FBP2: variants seen among roughly 807,000 people sequenced by gnomAD.
FBP2 encodes the protein fructose-1,6-bisphosphatase isozyme 2.
A neutral mutation model predicts 31.6 loss-of-function variants in FBP2; 27 were observed. The observed-to-expected ratio is 0.85, with a 90% CI of 0.63 to 1.18. FBP2 has a LOEUF of 1.18. FBP2 is among the 50% of genes most tolerant of loss of function. The pLI, the probability that FBP2 is intolerant of heterozygous loss-of-function variation, is 0.00. For synonymous variants in FBP2, 168 were observed against 179.8 expected (o/e 0.93, Z 0.53); for missense variants, 421 against 436.1 (o/e 0.97, Z 0.31).
rs772087699 is a variant in FBP2, at chr9:94,559,089, T to C, written c.869A>G (p.Glu290Gly). The change falls in exon 7 of 7, where the codon GAG (glutamate) becomes GGG (glycine). Residue 290 changes from glutamate to glycine, a missense_variant. Physicochemically the swap from Glu to Gly is moderately conservative, Grantham distance 98. Transcript: ENST00000375337. ...YECNPVAYIIEQAGGLATTGT... is the reference protein window; with the variant it reads ...YECNPVAYIIGQAGGLATTGT... ...CGTGGTCGCCAAGCCTCCTGCCTGC[T>C]CAATGATGTAGGCCACGGGATTGCA... is the stretch of plus-strand genomic sequence containing the variant. The C allele has an allele frequency of 6.2e-7, 1 of 1,613,966 alleles. No homozygotes were observed. Among genetic ancestry groups the C allele is most frequent in the South Asian group, 1.1e-5 (1 of 91,058 alleles).
chr9:94,578,656 C>T (rs189230690), intron 3 of FBP2, among the ~76,000 whole-genome samples: 1 of 152,016 alleles, frequency 6.6e-6, no homozygotes, highest in Non-Finnish European at 1.5e-5. Flanking sequence ...TCTGACAAAC[C>T]GTTCAGGACT....
chr9:94,563,471 A>C lies in FBP2; in HGVS notation c.706-10T>G, dbSNP rs1171988797. ...AGGGAGCACTGCCATCCTAGAAGAC[A>C]GAAAGCGAAGAGACAAGATCCAGTG... On this transcript the variant is annotated splice_polypyrimidine_tract_variant and intron_variant, in intron 5 of 6. Transcript: ENST00000375337. 27 of 1,611,582 alleles carry C rather than the reference A, an allele frequency of 1.7e-5. No homozygotes were observed. The highest frequency in any genetic ancestry group is 2.3e-5 in the Non-Finnish European group (27 of 1,178,430).
chr9:94,565,385 A>AAAAAAAG lies in FBP2; in HGVS notation c.705+1884_705+1885insCTTTTTT, dbSNP rs773350863. Among the ~76,000 whole-genome samples, 146 of 134,880 alleles carry AAAAAAAG rather than the reference A, an allele frequency of 1.1e-3. 4 individuals carry two copies. Among genetic ancestry groups the AAAAAAAG allele is most frequent in the Non-Finnish European group, 1.6e-3 (100 of 64,246 alleles). 88.5% of individuals were successfully genotyped at this position (134,880 alleles called of 152,430 possible). ...CTCCACCTCAAAAAAAAAAAAAAAA[A>AAAAAAAG]AGATGTTCCCAGTGGGGTTTTTGAG... On this transcript the variant is annotated intron_variant, in intron 5 of 6. Transcript: ENST00000375337.
At chr9:94,568,736 AAAC>A (rs1486202492) in intron 4 of FBP2, 4 of 152,330 alleles carry the variant, frequency 2.6e-5, no homozygotes, top group African/African-American at 7.2e-5. Context: ...AAAAACAACT[AAAC>A]AATCCTTTCC....
intron 3 of FBP2, among the ~76,000 whole-genome samples, chr9:94,581,351 G>A (rs1320285271): frequency 2.6e-5 from 4 of 152,330 alleles, no homozygotes; most frequent in East Asian, 3.9e-4. Context: ...GTGCAGCTAA[G>A]TGCTACTAGC....
chr9:94,569,111 C>T (rs1413132357), intron 4 of FBP2: 1 of 152,260 alleles, frequency 6.6e-6, no homozygotes, highest in Non-Finnish European at 1.5e-5. Flanking sequence ...GAAAAGTGCC[C>T]TGACTTGCTT....
At chr9:94,572,496 T>G (rs1827280039) in intron 3 of FBP2, among the ~76,000 whole-genome samples, 1 of 152,342 alleles carries the variant, frequency 6.6e-6, no homozygotes, top group East Asian at 1.9e-4. Context: ...TGTTCTGACC[T>G]CATGGTCTGG....
intron 2 of FBP2, among the ~76,000 whole-genome samples, 183 bp downstream of exon 2, chr9:94,587,124 G>T (rs1650617783): frequency 6.6e-6 from 1 of 152,212 alleles, no homozygotes; most frequent in Non-Finnish European, 1.5e-5. Context: ...GTCCTACTGT[G>T]GAGTCTTCTT....
chr9:94,565,323 T>C (rs141602699), intron 5 of FBP2, among the ~76,000 whole-genome samples: 291 of 132,938 alleles, frequency 2.2e-3, no homozygotes, highest in African/African-American at 8.6e-3. Flanking sequence ...TGCAGTGAGC[T>C]AAGATCGTGC....
chr9:94,582,255 G>A, intron 3 of FBP2, among the ~76,000 whole-genome samples: 1 of 152,150 alleles, frequency 6.6e-6, no homozygotes, highest in Middle Eastern at 3.4e-3. Flanking sequence ...ATAAACATGG[G>A]TCATACATGC....
At chr9:94,584,697 A>G (rs2292900) in intron 2 of FBP2, 28 bp from the exon 3 acceptor site, 62,420 of 1,377,132 alleles carry the variant, frequency 0.045, 1,874 homozygotes, top group African/African-American at 0.1. Flanking sequence ...GCACCAACTG[A>G]TCAGCACATC....
intron 1 of FBP2, among the ~76,000 whole-genome samples, chr9:94,590,513 G>A (rs1483591428): frequency 1.3e-5 from 2 of 152,230 alleles, no homozygotes; most frequent in African/African-American, 2.4e-5. Flanking sequence ...CAAGAATGAA[G>A]CCGCGGACCC....
intron 6 of FBP2, among the ~76,000 whole-genome samples, chr9:94,562,040 T>C (rs12683919): frequency 6.6e-6 from 1 of 151,988 alleles, no homozygotes; most frequent in Non-Finnish European, 1.5e-5. Context: ...CGCCGGGCGC[T>C]GTGACTCATA....
Position 94,587,440 on chromosome 9 carries a change from G to C in FBP2, c.200C>G (p.Thr67Arg). 1 of 1,614,002 alleles carries C rather than the reference G, an allele frequency of 6.2e-7. No homozygotes were observed. The highest frequency in any genetic ancestry group is 8.5e-7 in the Non-Finnish European group (1 of 1,179,966). The change falls in exon 2 of 7, where the codon ACG (threonine) becomes AGG (arginine). Residue 67 changes from threonine (T) to arginine (R), a missense_variant. By Grantham distance (71) the Thr-to-Arg change is moderately conservative. Coordinates refer to ENST00000375337, the MANE Select transcript of FBP2 (RefSeq NM_003837.4). ...ATCCAGTTTCTTCACCTCATCTCCCGTCACGTTAACGCTTCCTGCGATTCC... is the reference window on the plus strand; with the variant it reads ...ATCCAGTTTCTTCACCTCATCTCCCCTCACGTTAACGCTTCCTGCGATTCC... ...LYGIAGSVNV[T>R]GDEVKKLDVL...
intron 3 of FBP2, among the ~76,000 whole-genome samples, chr9:94,574,169 C>A (rs940562431): frequency 6.6e-6 from 1 of 152,048 alleles, no homozygotes; most frequent in African/African-American, 2.4e-5. Context: ...ATACACAATT[C>A]TCTGATCATT....
intron 2 of FBP2, chr9:94,586,798 C>T (rs1397330729): frequency 6.5e-6 from 1 of 153,486 alleles, no homozygotes; most frequent in East Asian, 1.9e-4. Context: ...GCCGTGCCTT[C>T]CTTCACCGAC....
At chr9:94,566,525 T>C (rs1271007671) in intron 5 of FBP2, among the ~76,000 whole-genome samples, 1 of 152,238 alleles carries the variant, frequency 6.6e-6, no homozygotes, top group African/African-American at 2.4e-5. Flanking sequence ...GAAACAATGC[T>C]AATGACTGGC....
intron 3 of FBP2, among the ~76,000 whole-genome samples, 189 bp from the exon 4 acceptor site, chr9:94,571,791 A>G (rs1413284068): frequency 2.0e-5 from 3 of 152,238 alleles, no homozygotes; most frequent in African/African-American, 4.8e-5. Flanking sequence ...AGCCATGGCA[A>G]AGGCCATTCT....
At chr9:94,571,182 A>G (rs1268278515) in intron 4 of FBP2, among the ~76,000 whole-genome samples, 2 of 152,198 alleles carry the variant, frequency 1.3e-5, no homozygotes, top group African/African-American at 4.8e-5. Context: ...CATAAGCCAA[A>G]GAGATTGAGT....
Sources: allele counts gnomAD v4.1 joint callset (sites outside exome capture counted in the v4.1 genomes callset), GRCh38; gene constraint gnomAD v4.1.1; transcripts MANE v1.5; gene names NCBI Gene and HGNC (gene_info 2026-07-23, HGNC 2026-07-21).